Variants in UBFD1 observed in about 807,000 individuals in gnomAD.
UBFD1 encodes the protein ubiquitin family domain containing 1, also known as ubiquitin domain-containing protein UBFD1.
UBFD1 carries 12 observed loss-of-function variants against 35.1 expected under a neutral mutation model. The ratio of observed to expected loss-of-function variants is 0.34; its 90% CI spans 0.22 to 0.55. The LOEUF (loss-of-function observed/expected upper bound fraction) is 0.55, where lower values mean the gene tolerates loss of function less well. Among genes scored for constraint, UBFD1 ranks in the 20% least tolerant of loss-of-function variants. UBFD1 has a pLI of 0.89. For missense variants in UBFD1, 337 were observed against 410.8 expected (o/e 0.82, Z 1.55); for synonymous variants, 178 against 167.6 (o/e 1.06, Z -0.48).
chr16:23,570,655 C>A lies in UBFD1; in HGVS notation c.*65C>A. The A allele has an allele frequency of 7.6e-7, 1 of 1,307,202 alleles. No individual in the cohort carries two copies. Among genetic ancestry groups the A allele is most frequent in the Non-Finnish European group, 1.1e-6 (1 of 910,098 alleles). 81.0% of individuals were successfully genotyped at this position (1,307,202 alleles called of 1,614,324 possible). ...GAAGGACATTGCCGGGAGAGGCCTG[C>A]AGCATCCCTGGATTTCAGAGTTCTG... is the stretch of plus-strand genomic sequence containing the variant. On this transcript the variant is annotated 3_prime_UTR_variant, in exon 7 of 7. Transcript: ENST00000395878.
rs1209789406 is a variant in UBFD1, at chr16:23,572,980, G to A, written c.*2390G>A. 1 of 152,346 alleles carries A rather than the reference G, an allele frequency of 6.6e-6. No homozygotes were observed. The allele number at this position is 152,346 out of a possible 1,614,324, so 9.4% of individuals were successfully genotyped here. ...CCACTGGGAGAAGTGTTTTCGATCC[G>A]TGTCTGGGCCACAGTAGTATTCACT... On this transcript the variant is annotated 3_prime_UTR_variant, in exon 7 of 7. Transcript: ENST00000395878.
rs1257108261 is a variant in UBFD1 at position 23,570,748 on chromosome 16, A to G, written c.*158A>G. ...TGGTGACTGAAGCCAGAGGTGATGT[A>G]CTTTCACCATTAGCTTAATTTTAAC... On this transcript the variant is annotated 3_prime_UTR_variant, in exon 7 of 7. Coordinates refer to ENST00000395878, the MANE Select transcript of UBFD1 (RefSeq NM_019116.3). 3.6e-6 allele frequency: 2 copies of G among 550,522 alleles called. No individual in the cohort carries two copies. The highest frequency in any genetic ancestry group is 3.5e-5 in the Admixed American group (1 of 28,548). The allele number at this position is 550,522 out of a possible 1,614,324, so 34.1% of individuals were successfully genotyped here. A position where few individuals can be genotyped will look rare whatever the true frequency, so the allele number is the denominator to read the frequency against.
chr16:23,559,788 T>A, intron 3 of UBFD1, 112 bp downstream of exon 3: 1 of 1,553,182 alleles, frequency 6.4e-7, no homozygotes. Flanking sequence ...GGGCCCATGA[T>A]GGAAATTTAT....
Position 23,562,818 on chromosome 16 carries a change from C to T in UBFD1, c.736+88C>T, listed in dbSNP as rs1965956965. ...ATTTTAGAGTGCGATTTCACCCCTC[C>T]TTCTGAAACCTCTCTCTCCACTGTG... On this transcript the variant is annotated intron_variant, in intron 5 of 6. Coordinates refer to ENST00000395878, the MANE Select transcript of UBFD1 (RefSeq NM_019116.3). 1.0e-5 allele frequency: 11 copies of T among 1,090,530 alleles called. No individual in the cohort carries two copies. In the Admixed American group the frequency reaches 1.7e-4, roughly 17 times the overall value. The allele number at this position is 1,090,530 out of a possible 1,614,324, so 67.6% of individuals were successfully genotyped here.
chr16:23,561,036 TCTC>T (rs1053659911), intron 3 of UBFD1, among the ~76,000 whole-genome samples: 2 of 152,184 alleles, frequency 1.3e-5, no homozygotes, highest in Non-Finnish European at 2.9e-5. Context: ...TTAGAACTGT[TCTC>T]CACAGTACAG....
rs1318615133 is a variant in UBFD1 at position 23,571,893 on chromosome 16, C to G, written c.*1303C>G. The G allele has an allele frequency of 6.6e-6, 1 of 152,658 alleles. No individual in the cohort carries two copies. Among genetic ancestry groups the G allele is most frequent in the Non-Finnish European group, 1.5e-5 (1 of 68,066 alleles). 9.5% of individuals were successfully genotyped at this position (152,658 alleles called of 1,614,324 possible). A position where few individuals can be genotyped will look rare whatever the true frequency, so the allele number is the denominator to read the frequency against. ...TTGCCTCTGAAAGGAGGGAAAGTCT[C>G]TTGGTAAATTATCTCTTTTGTGCTG... is the stretch of plus-strand genomic sequence containing the variant. On this transcript the variant is annotated 3_prime_UTR_variant, in exon 7 of 7. Transcript: ENST00000395878.
chr16:23,559,791 A>C (rs1965902581), intron 3 of UBFD1, 115 bp downstream of exon 3: 1 of 1,553,152 alleles, frequency 6.4e-7, no homozygotes, highest in Non-Finnish European at 8.7e-7. Flanking sequence ...CCCATGATGG[A>C]AATTTATGGC....
rs1966114490 is a variant in UBFD1 at position 23,573,494 on chromosome 16, C to T, written c.*2904C>T. On this transcript the variant is annotated 3_prime_UTR_variant, in exon 7 of 7. Transcript: ENST00000395878. ...TCAGATCACAGAACACAGACAGACTCGCGAGTTGCTGGACCTCTTTGGTAT... is the reference window on the plus strand; with the variant it reads ...TCAGATCACAGAACACAGACAGACTTGCGAGTTGCTGGACCTCTTTGGTAT... 1 of 152,386 alleles carries T rather than the reference C, an allele frequency of 6.6e-6. No individual in the cohort carries two copies. The highest frequency in any genetic ancestry group is 1.5e-5 in the Non-Finnish European group (1 of 68,040). 9.4% of individuals were successfully genotyped at this position (152,386 alleles called of 1,614,324 possible).
At chr16:23,562,900 C>T (rs1037254527) in intron 5 of UBFD1, among the ~76,000 whole-genome samples, 170 bp downstream of exon 5, 4 of 152,278 alleles carry the variant, frequency 2.6e-5, no homozygotes, top group East Asian at 1.9e-4. Context: ...TTGTTTGGAC[C>T]GTTTTCCCTC....
rs1966074120 is a variant in UBFD1, at chr16:23,570,911, A to G, written c.*321A>G. On this transcript the variant is annotated 3_prime_UTR_variant, in exon 7 of 7. Coordinates refer to ENST00000395878, the MANE Select transcript of UBFD1 (RefSeq NM_019116.3). Reference sequence around the variant, plus strand: ...GTGTTTGAGAGTAGATCTGCCAATTATGTTGACAAGGGAATGATCAAAAGC... The same window carrying G: ...GTGTTTGAGAGTAGATCTGCCAATTGTGTTGACAAGGGAATGATCAAAAGC... 1 of 170,772 alleles carries G rather than the reference A, an allele frequency of 5.9e-6. No individual in the cohort carries two copies. The highest frequency in any genetic ancestry group is 2.0e-4 in the South Asian group (1 of 5,098). The allele number at this position is 170,772 out of a possible 1,614,324, so 10.6% of individuals were successfully genotyped here.
rs574502699 is a variant in UBFD1, at chr16:23,571,536, C to A, written c.*946C>A. 1 of 152,512 alleles carries A rather than the reference C, an allele frequency of 6.6e-6. No individual in the cohort carries two copies. Among genetic ancestry groups the A allele is most frequent in the African/African-American group, 2.4e-5 (1 of 41,584 alleles). 9.4% of individuals were successfully genotyped at this position (152,512 alleles called of 1,614,324 possible). The stretch of plus-strand genomic sequence containing the variant: ...AGACAAAGACCTCTTCCAGGAGGAG[C>A]CAGGTAGAAGATAGTTATACAGCCA... On this transcript the variant is annotated 3_prime_UTR_variant, in exon 7 of 7. Coordinates refer to ENST00000395878, the MANE Select transcript of UBFD1 (RefSeq NM_019116.3).
Position 23,571,913 on chromosome 16 carries a change from G to T in UBFD1, c.*1323G>T, listed in dbSNP as rs1462427993. On this transcript the variant is annotated 3_prime_UTR_variant, in exon 7 of 7. Coordinates refer to ENST00000395878, the MANE Select transcript of UBFD1 (RefSeq NM_019116.3). ...AGTCTCTTGGTAAATTATCTCTTTT[G>T]TGCTGTTTGCTGTTTCTCTGCTGCC... is the stretch of plus-strand genomic sequence containing the variant. 1 of 152,652 alleles carries T rather than the reference G, an allele frequency of 6.6e-6. No individual in the cohort carries two copies. Among genetic ancestry groups the T allele is most frequent in the Non-Finnish European group, 1.5e-5 (1 of 68,058 alleles). 9.5% of individuals were successfully genotyped at this position (152,652 alleles called of 1,614,324 possible).
chr16:23,558,134 G>A lies in UBFD1; in HGVS notation c.210G>A (p.Ser70=). The A allele has an allele frequency of 6.2e-7, 1 of 1,602,626 alleles. No individual in the cohort carries two copies. Among genetic ancestry groups the A allele is most frequent in the South Asian group, 1.1e-5 (1 of 89,648 alleles). The part of the protein sequence containing the change: ...QPPGDPAAQA[S]VSNGEDAGGG... ...CTGGGGACCCCGCAGCCCAGGCCTC[G>A]GTCAGCAACGGCGAAGACGCGGGCG... The change falls in exon 2 of 7, where the codon TCG becomes TCA. Residue 70 remains serine, a synonymous_variant. Transcript: ENST00000395878.
Position 23,557,974 on chromosome 16 carries a change from C to G in UBFD1, c.50C>G (p.Thr17Arg), listed in dbSNP as rs1205934021. 7.3e-7 allele frequency: 1 copy of G among 1,364,868 alleles called. No individual in the cohort carries two copies. The highest frequency in any genetic ancestry group is 9.4e-7 in the Non-Finnish European group (1 of 1,061,616). The allele number at this position is 1,364,868 out of a possible 1,614,324, so 84.5% of individuals were successfully genotyped here. ...PDGMEEPGMDTEAETVATEAP... is the reference protein window; with the variant it reads ...PDGMEEPGMDREAETVATEAP... ...GGCATGGAGGAACCTGGCATGGACA[C>G]GGAGGCCGAGACTGTGGCTACTGAG... Residue 17 changes from threonine to arginine, a missense_variant, in exon 2 of 7, where the codon ACG (threonine) becomes AGG (arginine). Physicochemically the swap from Thr to Arg is moderately conservative, Grantham distance 71 (BLOSUM62 -1). Coordinates refer to ENST00000395878, the MANE Select transcript of UBFD1 (RefSeq NM_019116.3).
chr16:23,559,307 A>G, intron 2 of UBFD1, 161 bp from the exon 3 acceptor site: 1 of 625,784 alleles, frequency 1.6e-6, no homozygotes, highest in East Asian at 2.9e-5. Flanking sequence ...CTACAGTTCT[A>G]GAAACTGAGG....
intron 2 of UBFD1, among the ~76,000 whole-genome samples, chr16:23,558,804 G>C (rs1006012593): frequency 4.7e-5 from 7 of 147,736 alleles, no homozygotes; most frequent in Admixed American, 2.0e-4. Flanking sequence ...TTTTTGAGAC[G>C]GAGTCTTGCT....
chr16:23,562,119 G>T, intron 3 of UBFD1, 87 bp from the exon 4 acceptor site: 1 of 1,273,768 alleles, frequency 7.9e-7, no homozygotes, highest in Non-Finnish European at 1.1e-6. Context: ...AAAACACTAA[G>T]GCTTTCTTCA....
intron 6 of UBFD1, chr16:23,569,740 T>C (rs1041029952): frequency 2.0e-5 from 3 of 152,220 alleles, no homozygotes; most frequent in African/African-American, 7.2e-5. Flanking sequence ...ACCATCGTCA[T>C]GTGTCACGTG....
rs1251398641 is a variant in UBFD1 at position 23,572,334 on chromosome 16, G to A, written c.*1744G>A. ...TCATTGCAGCTTTTCTGTCCTTGTC[G>A]GCCTGCAGTTCCTGGGGAAAAGAGT... On this transcript the variant is annotated 3_prime_UTR_variant, in exon 7 of 7. Transcript: ENST00000395878. The A allele has an allele frequency of 3.3e-5, 5 of 152,160 alleles. No individual in the cohort carries two copies. Among genetic ancestry groups the A allele is most frequent in the East Asian group, 3.8e-4 (2 of 5,204 alleles). The allele number at this position is 152,160 out of a possible 1,614,324, so 9.4% of individuals were successfully genotyped here. A position where few individuals can be genotyped will look rare whatever the true frequency, so the allele number is the denominator to read the frequency against.
Sources: allele counts gnomAD v4.1 joint callset (sites outside exome capture counted in the v4.1 genomes callset), GRCh38; gene constraint gnomAD v4.1.1; transcripts MANE v1.5; gene names NCBI Gene and HGNC (gene_info 2026-07-23, HGNC 2026-07-21).